The following PIK3C2G variants were observed in gnomAD, a reference collection of about 807,000 sequenced individuals.
PIK3C2G encodes phosphatidylinositol 3-kinase C2 domain-containing subunit gamma.
PIK3C2G carries 168 observed loss-of-function variants against 181.1 expected under a neutral mutation model. The ratio of observed to expected loss-of-function variants is 0.93; its 90% CI spans 0.82 to 1.05. The LOEUF (loss-of-function observed/expected upper bound fraction) is 1.05, where lower values mean the gene tolerates loss of function less well. Among genes scored for constraint, PIK3C2G ranks in the 50% least tolerant of loss-of-function variants. The probability of loss-of-function intolerance (pLI) is 0.00; values close to 1 mark genes in which losing one functional copy is unlikely to be tolerated. For synonymous variants in PIK3C2G, 573 were observed against 592.2 expected (o/e 0.97, Z 0.47); for missense variants, 1,869 against 1,732.8 (o/e 1.08, Z -1.40).
At chr12:18,588,992 C>T (rs1437957347) in intron 29 of PIK3C2G, among the ~76,000 whole-genome samples, 1 of 151,968 alleles carries the variant, frequency 6.6e-6, no homozygotes, top group Non-Finnish European at 1.5e-5. Context: ...AATGCAGGAA[C>T]AGAAAACCAA....
At chr12:18,303,878 A>T (rs1950312374) in intron 5 of PIK3C2G, among the ~76,000 whole-genome samples, 1 of 152,116 alleles carries the variant, frequency 6.6e-6, no homozygotes. Context: ...TAAATGAAAC[A>T]ATTTTTTTAT....
At chr12:18,696,469 T>C in the PIK3C2G span, among the ~76,000 whole-genome samples, 1 of 150,988 alleles carries the variant, frequency 6.6e-6, no homozygotes, top group Non-Finnish European at 1.5e-5. Context: ...TTCACTATTA[T>C]TTAGATGTTA....
intron 30 of PIK3C2G, among the ~76,000 whole-genome samples, chr12:18,599,294 T>C (rs550588614): frequency 0.012 from 1,793 of 152,198 alleles, 29 homozygotes; most frequent in African/African-American, 0.041. Context: ...GTGGCACATA[T>C]ACACCATGGA....
At chr12:18,633,641 C>G (rs922637684) in intron 31 of PIK3C2G, among the ~76,000 whole-genome samples, 3 of 152,168 alleles carry the variant, frequency 2.0e-5, no homozygotes, top group Admixed American at 6.5e-5. Flanking sequence ...CAGAAGTACT[C>G]TTCCTTAGTT....
chr12:18,649,759 A>T (rs1349088999), downstream of PIK3C2G, among the ~76,000 whole-genome samples: 2 of 152,236 alleles, frequency 1.3e-5, no homozygotes, highest in Non-Finnish European at 2.9e-5. Context: ...ACTTGTCAAC[A>T]GTATTGGATA....
At chr12:18,281,313 C>T (rs1217437244) in intron 1 of PIK3C2G, among the ~76,000 whole-genome samples, 1 of 104,730 alleles carries the variant, frequency 9.5e-6, no homozygotes, top group East Asian at 2.3e-4. Flanking sequence ...AGAGCAAACA[C>T]AGAAAGACAG....
chr12:18,327,759 C>A (rs58426452), intron 8 of PIK3C2G, among the ~76,000 whole-genome samples: 4,767 of 151,858 alleles, frequency 0.031, 253 homozygotes, highest in African/African-American at 0.11. Flanking sequence ...AGAGAATCCT[C>A]CCCCCCAAGG....
At chr12:18,623,604 A>C (rs1020855717) in intron 31 of PIK3C2G, among the ~76,000 whole-genome samples, 2 of 151,784 alleles carry the variant, frequency 1.3e-5, no homozygotes, top group East Asian at 3.9e-4. Context: ...TAGTGTTTGC[A>C]CTGAATCTGT....
Position 18,449,754 on chromosome 12 carries a change from A to C in PIK3C2G, c.2504+25715A>C, listed in dbSNP as rs142077260. Among the ~76,000 whole-genome samples, 1,424 of 152,296 alleles carry C rather than the reference A, an allele frequency of 9.4e-3. 24 individuals are homozygous for C. The highest frequency in any genetic ancestry group is 0.033 in the African/African-American group (1,379 of 41,552). On this transcript the variant is annotated intron_variant, in intron 18 of 32. Coordinates refer to ENST00000538779, the MANE Select transcript of PIK3C2G (RefSeq NM_001288772.2). The stretch of plus-strand genomic sequence containing the variant: ...TTTTTGCTATTATAAATAGTGCTGC[A>C]ATAAATATACGTGTGCATGTGTCTT...
chr12:18,665,151 G>A, the PIK3C2G span, among the ~76,000 whole-genome samples: 3 of 150,814 alleles, frequency 2.0e-5, no homozygotes, highest in East Asian at 1.9e-4. Context: ...AAAACTTAAA[G>A]CATAATAATA....
chr12:18,544,356 A>G (rs1294241792), intron 25 of PIK3C2G, among the ~76,000 whole-genome samples: 1 of 151,912 alleles, frequency 6.6e-6, no homozygotes, highest in Non-Finnish European at 1.5e-5. Flanking sequence ...AGAAGTTTGT[A>G]TGCTTATGAT....
At chr12:18,276,970 C>A (rs1330956170) in intron 1 of PIK3C2G, among the ~76,000 whole-genome samples, 1 of 152,036 alleles carries the variant, frequency 6.6e-6, no homozygotes, top group Non-Finnish European at 1.5e-5. Context: ...ATCAATTGTT[C>A]GCATAAAAGG....
chr12:18,294,142 C>A (rs958755334), intron 5 of PIK3C2G, 127 bp downstream of exon 5: 6 of 559,684 alleles, frequency 1.1e-5, no homozygotes, highest in African/African-American at 5.8e-5. Context: ...TCAATTTTAC[C>A]CCCTTTGCAG....
In PIK3C2G at chr12:18,381,871, G is replaced by C. The variant is rs778672179; in HGVS notation, c.1986G>C (p.Val662=). The part of the protein sequence containing the change: ...GVWDVSQPSP[V]TLQIDFPATG... ...GGGATGTAAGTCAGCCATCCCCGGT[G>C]ACCCTGCAGGTAAGTGCCAGGCTAA... is the stretch of plus-strand genomic sequence containing the variant. Residue 662 remains valine, a synonymous_variant, in exon 14 of 33, where the codon GTG becomes GTC. Transcript: ENST00000538779. The C allele has an allele frequency of 1.3e-6, 2 of 1,598,222 alleles. No individual in the cohort carries two copies. The highest frequency in any genetic ancestry group is 1.7e-6 in the Non-Finnish European group (2 of 1,165,604).
the PIK3C2G span, among the ~76,000 whole-genome samples, chr12:18,718,021 T>C: frequency 6.6e-6 from 1 of 152,038 alleles, no homozygotes; most frequent in African/African-American, 2.4e-5. Context: ...CAACCAAAAC[T>C]CTATGGTGTC....
At chr12:18,581,799 G>A (rs1010870853) in intron 29 of PIK3C2G, among the ~76,000 whole-genome samples, 2 of 152,108 alleles carry the variant, frequency 1.3e-5, no homozygotes, top group African/African-American at 4.8e-5. Context: ...CATGAGACAG[G>A]ATAAGATTAC....
chr12:18,467,250 T>A lies in PIK3C2G; in HGVS notation c.2505-21199T>A, dbSNP rs1937982981. Among the ~76,000 whole-genome samples, 4 of 151,960 alleles carry A rather than the reference T, an allele frequency of 2.6e-5. No homozygotes were observed. The South Asian group carries it at 8.3e-4, about 31-fold the overall frequency. ...CAATATTAAATATACAGACACAGCTTCAGAGAATTGATTCTACTCCTCCTA... is the reference window on the plus strand; with the variant it reads ...CAATATTAAATATACAGACACAGCTACAGAGAATTGATTCTACTCCTCCTA... On this transcript the variant is annotated intron_variant, in intron 18 of 32. Coordinates refer to ENST00000538779, the MANE Select transcript of PIK3C2G (RefSeq NM_001288772.2).
the PIK3C2G span, chr12:18,705,442 T>C: frequency 1.1e-5 from 12 of 1,109,830 alleles, no homozygotes; most frequent in African/African-American, 3.2e-5. Context: ...AAATAACTAT[T>C]CTTTAAACTG....
chr12:18,689,268 A>C, the PIK3C2G span, among the ~76,000 whole-genome samples: 1 of 152,116 alleles, frequency 6.6e-6, no homozygotes, highest in East Asian at 1.9e-4. Flanking sequence ...GGTGTACCTC[A>C]TTCCAGAAAG....
Sources: allele counts gnomAD v4.1 joint callset (sites outside exome capture counted in the v4.1 genomes callset), GRCh38; gene constraint gnomAD v4.1.1; transcripts MANE v1.5; gene names NCBI Gene and HGNC (gene_info 2026-07-23, HGNC 2026-07-21).